CAND1: variants seen among roughly 807,000 people sequenced by gnomAD.
The protein encoded by CAND1 is cullin-associated NEDD8-dissociated protein 1.
CAND1 carries 7 observed loss-of-function variants against 108.5 expected under a neutral mutation model. The observed-to-expected ratio is 0.06, with a 90% CI of 0.04 to 0.12. The LOEUF is 0.12. Ranked by LOEUF, CAND1 falls within the 10% of genes least tolerant of loss-of-function variation. CAND1 has a pLI of 1.00. For missense variants in CAND1, 941 were observed against 1,448.7 expected (o/e 0.65, Z 5.69); for synonymous variants, 534 against 512.0 (o/e 1.04, Z -0.58).
rs527532179 is a variant in CAND1, at chr12:67,277,904, C to T, written c.69-4006C>T. ...CTAACTAGTCTCCATTCAGTATGGC[C>T]AAATGAAGATTTGTTCTCTCCAAAG... On this transcript the variant is annotated intron_variant, in intron 1 of 14. Transcript: ENST00000545606. 3.1e-4 allele frequency among the ~76,000 whole-genome samples: 47 copies of T among 152,176 alleles called. 1 individual carries two copies. The highest frequency in any genetic ancestry group is 1.1e-3 in the African/African-American group (45 of 41,516).
At chr12:67,293,640 C>A (rs915399505) in intron 3 of CAND1, among the ~76,000 whole-genome samples, 1 of 152,092 alleles carries the variant, frequency 6.6e-6, no homozygotes, top group Admixed American at 6.5e-5. Flanking sequence ...GTAATCCCAG[C>A]TACTTGGGAG....
Position 67,281,919 on chromosome 12 carries a change from T to C in CAND1, c.78T>C (p.Ala26=), listed in dbSNP as rs2044623554. 4.4e-6 allele frequency: 7 copies of C among 1,602,206 alleles called. No individual in the cohort carries two copies. The highest frequency in any genetic ancestry group is 6.0e-6 in the Non-Finnish European group (7 of 1,175,838). ...TTTATTTTTTTGATAGGTTTATGGCTACAAATGATTTGATGACGGAACTGC... is the reference window on the plus strand; with the variant it reads ...TTTATTTTTTTGATAGGTTTATGGCCACAAATGATTTGATGACGGAACTGC... ...TSSDKDFRFM[A]TNDLMTELQK... Residue 26 remains alanine (A), a synonymous_variant, in exon 2 of 15, where the codon GCT becomes GCC. Coordinates refer to ENST00000545606, the MANE Select transcript of CAND1 (RefSeq NM_018448.5).
Position 67,303,478 on chromosome 12 carries a change from A to G in CAND1, c.1293+863A>G, listed in dbSNP as rs1024971930. 3.9e-5 allele frequency among the ~76,000 whole-genome samples: 6 copies of G among 152,366 alleles called. No homozygotes were observed. In the East Asian group the frequency reaches 7.7e-4, roughly 20 times the overall value. The stretch of plus-strand genomic sequence containing the variant: ...AGGACATATGCAAGTGAGTGAGTAT[A>G]TAGAAGTCAGGTATTGCTCAGTAGA... On this transcript the variant is annotated intron_variant, in intron 8 of 14. Transcript: ENST00000545606.
Position 67,305,367 on chromosome 12 carries a change from G to T in CAND1, c.1699G>T (p.Asp567Tyr), listed in dbSNP as rs1256015251. Residue 567 changes from aspartate (D) to tyrosine (Y), a missense_variant, in exon 10 of 15, where the codon GAT (aspartate) becomes TAT (tyrosine). By Grantham distance (160) the Asp-to-Tyr change is radical. Around this residue, in one of 9 missense-constraint regions of CAND1, gnomAD observed 697 missense variants for 942.0 expected, o/e 0.74. Transcript: ENST00000545606. This position sits in a 1 kb window ranked among gnomAD's most constrained non-coding sequence, Gnocchi z 4.4. ...GTTTGATGCAACTCCTTATATCAAA[G>T]ATCTATTTACCTGTACCATTAAGAG... ...SSFDATPYIK[D>Y]LFTCTIKRLK... 2 of 1,614,094 alleles carry T rather than the reference G, an allele frequency of 1.2e-6. No homozygotes were observed. Among genetic ancestry groups the T allele is most frequent in the East Asian group, 2.2e-5 (1 of 44,880 alleles).
intron 1 of CAND1, among the ~76,000 whole-genome samples, chr12:67,274,522 G>A (rs1490602446): frequency 6.6e-5 from 10 of 152,158 alleles, no homozygotes; most frequent in African/African-American, 2.2e-4. Context: ...CTTACTAAAC[G>A]GAATCGTTCT....
intron 1 of CAND1, among the ~76,000 whole-genome samples, chr12:67,278,898 G>T (rs568045786): frequency 3.2e-4 from 49 of 152,174 alleles, no homozygotes; most frequent in African/African-American, 1.2e-3. Context: ...ACTCATACAT[G>T]CAATTTAAAA....
chr12:67,306,379 A>G lies in CAND1; in HGVS notation c.2711A>G (p.Lys904Arg). The change falls in exon 10 of 15, where the codon AAA (lysine) becomes AGA (arginine). Residue 904 changes from lysine to arginine, a missense_variant. By Grantham distance (26) the Lys-to-Arg change is conservative (BLOSUM62 2). Coordinates refer to ENST00000545606, the MANE Select transcript of CAND1 (RefSeq NM_018448.5). ...FVLQEITSQP[K>R]RQYLLLHSLK... ...CTGCAAGAAATAACTAGTCAACCCA[A>G]AAGGCAGTATCTTTTACTTCATTCC... 6.2e-7 allele frequency: 1 copy of G among 1,614,038 alleles called. No individual in the cohort carries two copies. The highest frequency in any genetic ancestry group is 1.1e-5 in the South Asian group (1 of 91,064).
rs2045000820 is a variant in CAND1 at position 67,315,639 on chromosome 12, T to G, written c.*2809T>G. On this transcript the variant is annotated 3_prime_UTR_variant, in exon 15 of 15. Coordinates refer to ENST00000545606, the MANE Select transcript of CAND1 (RefSeq NM_018448.5). ...TCTTTATGGTTGGAGTATGATGATTTCATCAAATGTTTGAATATTTACATA... is the reference window on the plus strand; with the variant it reads ...TCTTTATGGTTGGAGTATGATGATTGCATCAAATGTTTGAATATTTACATA... 6.6e-6 allele frequency: 1 copy of G among 152,062 alleles called. No individual in the cohort carries two copies. The highest frequency in any genetic ancestry group is 1.5e-5 in the Non-Finnish European group (1 of 68,038). The allele number at this position is 152,062 out of a possible 1,614,324, so 9.4% of individuals were successfully genotyped here.
At chr12:67,306,701 C>A in intron 10 of CAND1, 104 bp downstream of exon 10, 4 of 834,010 alleles carry the variant, frequency 4.8e-6, no homozygotes, top group East Asian at 2.6e-5. Context: ...TTTCTTAAAC[C>A]TAAAAGCTAA....
intron 9 of CAND1, 115 bp downstream of exon 9, chr12:67,304,861 A>G (rs112075986): frequency 8.2e-7 from 1 of 1,221,922 alleles, no homozygotes; most frequent in Non-Finnish European, 1.1e-6. Flanking sequence ...CTTAATATGC[A>G]CATAGAGCTA....
In CAND1 at chr12:67,306,201, G is replaced by A. The variant is rs767306978; in HGVS notation, c.2533G>A (p.Val845Ile). 3 of 1,614,120 alleles carry A rather than the reference G, an allele frequency of 1.9e-6. No individual in the cohort carries two copies. The Admixed American group carries it at 5.0e-5, about 27-fold the overall frequency. ...RLLALLSLGEVGHHIDLSGQL... is the reference protein window; with the variant it reads ...RLLALLSLGEIGHHIDLSGQL... ...CTTAGCTCTACTTTCTCTTGGAGAA[G>A]TTGGGCATCATATTGACTTAAGTGG... The change falls in exon 10 of 15, where the codon GTT becomes ATT. Residue 845 changes from valine to isoleucine, a missense_variant. Physicochemically the swap from Val to Ile is conservative, Grantham distance 29. Coordinates refer to ENST00000545606, the MANE Select transcript of CAND1 (RefSeq NM_018448.5).
intron 8 of CAND1, among the ~76,000 whole-genome samples, chr12:67,303,121 A>AT (rs752137053): frequency 2.0e-5 from 3 of 152,156 alleles, no homozygotes; most frequent in Non-Finnish European, 2.9e-5. Flanking sequence ...TAAAATACAC[A>AT]TTTTTTCACT....
In CAND1 at chr12:67,302,608, A is replaced by G; in HGVS notation, c.1286A>G (p.Gln429Arg). Residue 429 changes from glutamine (Q) to arginine (R), a missense_variant, in exon 8 of 15, where the codon CAG (glutamine) becomes CGG (arginine). This residue lies in a region of CAND1 where 697 missense variants were observed against 942.0 expected (regional missense o/e 0.74). Transcript: ENST00000545606. ...EQGETPLTMLQSQVPNIVKAL... is the reference protein window; with the variant it reads ...EQGETPLTMLRSQVPNIVKAL... ...GGAGAAACACCTTTAACAATGCTTC[A>G]GAGTCAGGTGGGTTTTAAAGTAAAG... The G allele has an allele frequency of 6.2e-7, 1 of 1,606,186 alleles. No individual in the cohort carries two copies. Among genetic ancestry groups the G allele is most frequent in the Non-Finnish European group, 8.5e-7 (1 of 1,173,430 alleles).
chr12:67,278,240 G>A (rs376986434), intron 1 of CAND1, among the ~76,000 whole-genome samples: 10 of 152,132 alleles, frequency 6.6e-5, no homozygotes, highest in African/African-American at 1.4e-4. Context: ...GGCTTCAAGC[G>A]ACTGCCGCCC....
At chr12:67,301,879 C>G (rs1011944576) in intron 7 of CAND1, among the ~76,000 whole-genome samples, 2 of 152,114 alleles carry the variant, frequency 1.3e-5, no homozygotes, top group Non-Finnish European at 2.9e-5. Context: ...TCTATTACCA[C>G]AAATCCATTT....
intron 1 of CAND1, among the ~76,000 whole-genome samples, chr12:67,274,251 G>T (rs2044549298): frequency 6.6e-6 from 1 of 152,198 alleles, no homozygotes; most frequent in Non-Finnish European, 1.5e-5. Flanking sequence ...CATGCTTGTT[G>T]AATAGTTAAG....
chr12:67,290,236 C>T (rs1248495469), intron 2 of CAND1, among the ~76,000 whole-genome samples: 1 of 152,158 alleles, frequency 6.6e-6, no homozygotes, highest in East Asian at 1.9e-4. Context: ...ACCAGCCTGG[C>T]GTGGTGGCTT....
intron 2 of CAND1, among the ~76,000 whole-genome samples, chr12:67,285,808 T>A (rs1196561783): frequency 6.6e-6 from 1 of 152,110 alleles, no homozygotes; most frequent in Non-Finnish European, 1.5e-5. Flanking sequence ...TGTCTGGCTA[T>A]TTTTGCTCTC....
In CAND1 at chr12:67,317,077, GT is replaced by G. The variant is rs1565733850; in HGVS notation, c.*4248del. 6.6e-6 allele frequency: 1 copy of G among 152,170 alleles called. No homozygotes were observed. Among genetic ancestry groups the G allele is most frequent in the African/African-American group, 2.4e-5 (1 of 41,442 alleles). 9.4% of individuals were successfully genotyped at this position (152,170 alleles called of 1,614,324 possible). A position where few individuals can be genotyped will look rare whatever the true frequency, so the allele number is the denominator to read the frequency against. ...TAAGGATTACATATAATGAGAAGACGTGTGGGCTGAAATACCTAGTGAACAA... is the reference window on the plus strand; with the variant it reads ...TAAGGATTACATATAATGAGAAGACGGTGGGCTGAAATACCTAGTGAACAA... On this transcript the variant is annotated 3_prime_UTR_variant, in exon 15 of 15. Coordinates refer to ENST00000545606, the MANE Select transcript of CAND1 (RefSeq NM_018448.5).
Sources: allele counts gnomAD v4.1 joint callset (sites outside exome capture counted in the v4.1 genomes callset), GRCh38; gene constraint gnomAD v4.1.1; regional missense constraint gnomAD v4.1.1; non-coding constraint Gnocchi (gnomAD v3.1); transcripts MANE v1.5; gene names NCBI Gene and HGNC (gene_info 2026-07-23, HGNC 2026-07-21).